The following SV2A variants were observed in gnomAD, a reference collection of about 807,000 sequenced individuals.
SV2A encodes synaptic vesicle glycoprotein 2A, also known as solute carrier family 22 member B1.
Under a neutral mutation model 78.0 loss-of-function variants are expected in SV2A, and 25 were observed. The observed-to-expected ratio is 0.32, with a 90% CI of 0.23 to 0.45. The LOEUF (loss-of-function observed/expected upper bound fraction) is 0.45. SV2A is among the 20% of genes least tolerant of loss of function. The pLI is 1.00. For missense variants in SV2A, 752 were observed against 971.5 expected (o/e 0.77, Z 3.00); for synonymous variants, 355 against 384.7 (o/e 0.92, Z 0.90).
intron 8 of SV2A, among the ~76,000 whole-genome samples, 192 bp from the exon 9 acceptor site, chr1:149,908,398 C>T (rs782749636): frequency 3.3e-5 from 5 of 152,312 alleles, no homozygotes; most frequent in Middle Eastern, 3.4e-3. Context: ...ACAGTTGCTG[C>T]GCTCCTGGGG....
intron 2 of SV2A, among the ~76,000 whole-genome samples, chr1:149,912,565 C>A (rs954078801): frequency 1.8e-4 from 27 of 152,090 alleles, no homozygotes; most frequent in African/African-American, 5.8e-4. Flanking sequence ...TGCATTTTCC[C>A]ATGCCCAAAC....
rs2092416450 is a variant in SV2A at position 149,904,004 on chromosome 1, T to TC, written c.*1009dup. On this transcript the variant is annotated 3_prime_UTR_variant, in exon 13 of 13. Transcript: ENST00000369146. ...TGACCAGATGCCTGGTTTCTTTCCC[T>TC]CCCCTGCTCCCCTCCCTGTGAGGGG... 1 of 152,694 alleles carries TC rather than the reference T, an allele frequency of 6.5e-6. No individual in the cohort carries two copies. The highest frequency in any genetic ancestry group is 1.9e-4 in the East Asian group (1 of 5,158). The allele number at this position is 152,694 out of a possible 1,614,324, so 9.5% of individuals were successfully genotyped here. A position where few individuals can be genotyped will look rare whatever the true frequency, so the allele number is the denominator to read the frequency against.
At position 149,906,435 on chromosome 1, in the gene SV2A, G is replaced by T. The variant is rs143564937; in HGVS notation, c.1885+215C>A. ...TTCAAAACCCATAACCTCAAAGCCTGTGCCCTAACCACTTGCAATTCTGCT... is the reference window on the plus strand; with the variant it reads ...TTCAAAACCCATAACCTCAAAGCCTTTGCCCTAACCACTTGCAATTCTGCT... On this transcript the variant is annotated intron_variant, in intron 11 of 12. Transcript: ENST00000369146. Among the ~76,000 whole-genome samples the T allele has an allele frequency of 6.5e-3, 985 of 152,220 alleles. 6 individuals carry two copies. The highest frequency in any genetic ancestry group is 0.017 in the Middle Eastern group (5 of 294).
intron 12 of SV2A, chr1:149,905,456 C>A: frequency 4.1e-6 from 1 of 244,408 alleles, no homozygotes; most frequent in Non-Finnish European, 7.6e-6. Context: ...TTTTTTTTTC[C>A]TTTTTTTTTT....
Position 149,913,834 on chromosome 1 carries a change from C to T in SV2A, c.7G>A (p.Glu3Lys), listed in dbSNP as rs1553764192. ME[E>K]GFRDRAAFIR... The stretch of plus-strand genomic sequence containing the variant: ...AAAGCTGCCCGGTCTCGGAAGCCCT[C>T]TTCCATGATGGGGCTTGGGGCACTT... Residue 3 changes from glutamate (E) to lysine (K), a missense_variant, in exon 2 of 13, where the codon GAG becomes AAG. Glu to Lys is a moderately conservative substitution (Grantham distance 56). Coordinates refer to ENST00000369146, the MANE Select transcript of SV2A (RefSeq NM_014849.5). 1 of 1,606,702 alleles carries T rather than the reference C, an allele frequency of 6.2e-7. No individual in the cohort carries two copies. Among genetic ancestry groups the T allele is most frequent in the South Asian group, 1.1e-5 (1 of 90,454 alleles).
intron 11 of SV2A, 42 bp downstream of exon 11, chr1:149,906,608 C>G (rs373519934): frequency 1.2e-6 from 2 of 1,607,690 alleles, no homozygotes; most frequent in African/African-American, 2.7e-5. Context: ...CCCGCAGCCC[C>G]TGGCCCCTAC....
Position 149,914,139 on chromosome 1 carries a change from G to T in SV2A, c.-299C>A. 3.1e-6 allele frequency: 1 copy of T among 327,738 alleles called. No individual in the cohort carries two copies. The allele number at this position is 327,738 out of a possible 1,614,324, so 20.3% of individuals were successfully genotyped here. On this transcript the variant is annotated 5_prime_UTR_variant, in exon 2 of 13. Coordinates refer to ENST00000369146, the MANE Select transcript of SV2A (RefSeq NM_014849.5). ...GAGCCAGATTGGGAGGCTAAGCCAG[G>T]ATAACTCAGGAAGGGTCGCCTGCTT... is the stretch of plus-strand genomic sequence containing the variant.
At chr1:149,909,620 C>T (rs781838335) in intron 6 of SV2A, 49 bp from the exon 7 acceptor site, 5 of 1,569,826 alleles carry the variant, frequency 3.2e-6, no homozygotes, top group Non-Finnish European at 4.4e-6. Flanking sequence ...TGTTTCCCAA[C>T]ATCGGCCAGG....
At chr1:149,906,882 G>A in intron 10 of SV2A, 26 bp from the exon 11 acceptor site, 1 of 1,613,260 alleles carries the variant, frequency 6.2e-7, no homozygotes, top group Non-Finnish European at 8.5e-7. Flanking sequence ...AAGATAAGCA[G>A]GCAGTCATAG....
intron 2 of SV2A, 72 bp downstream of exon 2, chr1:149,913,147 C>T: frequency 6.4e-7 from 1 of 1,558,680 alleles, no homozygotes; most frequent in Non-Finnish European, 8.6e-7. Context: ...GTGGTAAGGA[C>T]AAGAGCAATT....
Position 149,909,141 on chromosome 1 carries a change from C to G in SV2A, c.1379+51G>C, listed in dbSNP as rs782457008. 7 of 1,571,872 alleles carry G rather than the reference C, an allele frequency of 4.5e-6. No individual in the cohort carries two copies. In the South Asian group the frequency reaches 5.6e-5, roughly 12 times the overall value. Reference sequence around the variant, plus strand: ...CCATTCTCCCCACCTCTCTCCCAGCCCACACACCACCACAACCACCACACA... The same window carrying G: ...CCATTCTCCCCACCTCTCTCCCAGCGCACACACCACCACAACCACCACACA... On this transcript the variant is annotated intron_variant, in intron 8 of 12. Coordinates refer to ENST00000369146, the MANE Select transcript of SV2A (RefSeq NM_014849.5).
At chr1:149,917,530 CGT>C (rs139622752) in intron 1 of SV2A, among the ~76,000 whole-genome samples, 175 of 150,636 alleles carry the variant, frequency 1.2e-3, no homozygotes, top group Non-Finnish European at 2.0e-3. Flanking sequence ...TATACATATG[CGT>C]GTGTGTGTGT....
intron 1 of SV2A, among the ~76,000 whole-genome samples, chr1:149,916,752 G>A (rs1423880656): frequency 1.3e-5 from 2 of 152,164 alleles, no homozygotes; most frequent in Non-Finnish European, 2.9e-5. Flanking sequence ...TAGAATGTGG[G>A]AGGTGCGGGA....
Position 149,906,575 on chromosome 1 carries a change from G to A in SV2A, c.1885+75C>T, listed in dbSNP as rs1384786663. On this transcript the variant is annotated intron_variant, in intron 11 of 12. Coordinates refer to ENST00000369146, the MANE Select transcript of SV2A (RefSeq NM_014849.5). ...CTGACCAATCTCTTCCACAGCCCAA[G>A]GTGAGAAGCCTGTTGACTGCCTCCC... The A allele has an allele frequency of 7.4e-6, 11 of 1,493,198 alleles. No homozygotes were observed. In the South Asian group the frequency reaches 1.1e-4, roughly 14 times the overall value. The allele number at this position is 1,493,198 out of a possible 1,614,324, so 92.5% of individuals were successfully genotyped here. A position where few individuals can be genotyped will look rare whatever the true frequency, so the allele number is the denominator to read the frequency against.
At position 149,906,831 on chromosome 1, in the gene SV2A, G is replaced by A. The variant is rs782512762; in HGVS notation, c.1704C>T (p.Asn568=). The stretch of plus-strand genomic sequence containing the variant: ...GGAATGTACTGTTTATCAGACGGCT[G>A]TTCACAAACTTGTACTCGAACAGGT... The part of the protein sequence containing the change: ...NTDLFEYKFV[N]SRLINSTFLH... Residue 568 remains asparagine (N), a synonymous_variant, in exon 11 of 13, where the codon AAC becomes AAT. Coordinates refer to ENST00000369146, the MANE Select transcript of SV2A (RefSeq NM_014849.5). 5 of 1,614,110 alleles carry A rather than the reference G, an allele frequency of 3.1e-6. No individual in the cohort carries two copies. Among genetic ancestry groups the A allele is most frequent in the Non-Finnish European group, 3.4e-6 (4 of 1,180,054 alleles).
chr1:149,914,055 AGTTC>A lies in SV2A; in HGVS notation c.-219_-216del. On this transcript the variant is annotated 5_prime_UTR_variant, in exon 2 of 13. Coordinates refer to ENST00000369146, the MANE Select transcript of SV2A (RefSeq NM_014849.5). ...AGGAGAGGAGCTTTGACCTATACCC[AGTTC>A]AGTTGGGTGGATGGGGAAGGGACAG... is the stretch of plus-strand genomic sequence containing the variant. 3.4e-6 allele frequency: 2 copies of A among 584,108 alleles called. No individual in the cohort carries two copies. The highest frequency in any genetic ancestry group is 4.7e-4 in the Middle Eastern group (1 of 2,130). 36.2% of individuals were successfully genotyped at this position (584,108 alleles called of 1,614,324 possible).
In SV2A at chr1:149,911,805, C is replaced by T. The variant is rs370082414; in HGVS notation, c.798G>A (p.Gly266=). ...GTFLFCRLLS[G]VGIGGSIPIV... is the part of the protein sequence containing the mutation. ...CTTAGGAAGTGTACACTCACCCAAC[C>T]CCAGAAAGTAGGCGGCAGAAGAGGA... The change falls in exon 3 of 13, where the codon GGG becomes GGA. Residue 266 remains glycine, a synonymous_variant. Coordinates refer to ENST00000369146, the MANE Select transcript of SV2A (RefSeq NM_014849.5). The T allele has an allele frequency of 7.4e-6, 12 of 1,613,696 alleles. No individual in the cohort carries two copies. The Admixed American group carries it at 8.3e-5, about 11-fold the overall frequency.
At chr1:149,916,284 A>G (rs1553764536) in intron 1 of SV2A, among the ~76,000 whole-genome samples, 1 of 152,190 alleles carries the variant, frequency 6.6e-6, no homozygotes, top group Non-Finnish European at 1.5e-5. Flanking sequence ...CCACAGCAGG[A>G]TATGAGGTCT....
chr1:149,916,618 AC>A (rs1245191570), intron 1 of SV2A, among the ~76,000 whole-genome samples: 2 of 152,126 alleles, frequency 1.3e-5, no homozygotes, highest in African/African-American at 2.4e-5. Flanking sequence ...TGGGTCCAGA[AC>A]CCCCCACCCT....
Sources: allele counts gnomAD v4.1 joint callset (sites outside exome capture counted in the v4.1 genomes callset), GRCh38; gene constraint gnomAD v4.1.1; transcripts MANE v1.5; gene names NCBI Gene and HGNC (gene_info 2026-07-23, HGNC 2026-07-21).